ARHGAP18: variants seen among roughly 807,000 people sequenced by gnomAD.
The protein encoded by ARHGAP18 is rho GTPase-activating protein 18.
Under a neutral mutation model 86.2 loss-of-function variants are expected in ARHGAP18, and 67 were observed. That is an observed-to-expected ratio of 0.78 (90% CI 0.64 to 0.95). ARHGAP18 has a LOEUF of 0.95. Ranked by LOEUF, ARHGAP18 falls within the 40% of genes least tolerant of loss-of-function variation. The probability of loss-of-function intolerance (pLI) is 0.00; values close to 1 mark genes in which losing one functional copy is unlikely to be tolerated. For synonymous variants in ARHGAP18, 283 were observed against 280.4 expected (o/e 1.01, Z -0.09); for missense variants, 691 against 780.4 (o/e 0.89, Z 1.37).
rs747861313 is a variant in ARHGAP18, at chr6:129,578,474, A to G, written c.*39T>C. Reference sequence around the variant, plus strand: ...CACTCTTGACTCAGCAAGAATTATGACAGAAGTCCACATGGTTATCTGCAG... The same window carrying G: ...CACTCTTGACTCAGCAAGAATTATGGCAGAAGTCCACATGGTTATCTGCAG... On this transcript the variant is annotated 3_prime_UTR_variant, in exon 15 of 15. Coordinates refer to ENST00000368149, the MANE Select transcript of ARHGAP18 (RefSeq NM_033515.3). 1.3e-5 allele frequency: 19 copies of G among 1,514,710 alleles called. No individual in the cohort carries two copies. Among genetic ancestry groups the G allele is most frequent in the Admixed American group, 5.1e-5 (3 of 58,556 alleles). 93.8% of individuals were successfully genotyped at this position (1,514,710 alleles called of 1,614,324 possible).
chr6:129,626,465 A>C (rs1397461254), intron 5 of ARHGAP18, among the ~76,000 whole-genome samples: 1 of 152,032 alleles, frequency 6.6e-6, no homozygotes, highest in Non-Finnish European at 1.5e-5. Flanking sequence ...ATTGGACTAT[A>C]TAAGTATTTT....
intron 1 of ARHGAP18, among the ~76,000 whole-genome samples, chr6:129,673,066 C>A (rs1246839519): frequency 1.3e-5 from 2 of 152,158 alleles, no homozygotes; most frequent in Non-Finnish European, 2.9e-5. Flanking sequence ...TTGAATACAC[C>A]AATGACTCAT....
chr6:129,621,255 G>T (rs1789222708), intron 5 of ARHGAP18, among the ~76,000 whole-genome samples: 1 of 152,124 alleles, frequency 6.6e-6, no homozygotes, highest in Non-Finnish European at 1.5e-5. Flanking sequence ...ACAGCAACTC[G>T]TAAAACCTAT....
intron 7 of ARHGAP18, among the ~76,000 whole-genome samples, chr6:129,613,961 A>G (rs1175199471): frequency 2.0e-5 from 3 of 152,182 alleles, no homozygotes; most frequent in Non-Finnish European, 4.4e-5. Context: ...TCTTTGACAC[A>G]AAGTATGGCT....
At position 129,625,323 on chromosome 6, in the gene ARHGAP18, ATG is replaced by A. The variant is rs1562696934; in HGVS notation, c.786+4028_786+4029del. On this transcript the variant is annotated intron_variant, in intron 5 of 14. Transcript: ENST00000368149. ...TGATATATATTTATATGTAATATAT[ATG>A]ATATATGATATATATTTATATGTAA... is the stretch of plus-strand genomic sequence containing the variant. Among the ~76,000 whole-genome samples, 93 of 83,344 alleles carry A rather than the reference ATG, an allele frequency of 1.1e-3. 16 individuals are homozygous for A. The highest frequency in any genetic ancestry group is 4.9e-3 in the African/African-American group (91 of 18,578). The allele number at this position is 83,344 out of a possible 152,430, so 54.7% of individuals were successfully genotyped here. A position where few individuals can be genotyped will look rare whatever the true frequency, so the allele number is the denominator to read the frequency against.
At chr6:129,599,546 T>G (rs1788693798) in intron 11 of ARHGAP18, among the ~76,000 whole-genome samples, 190 bp from the exon 12 acceptor site, 1 of 152,166 alleles carries the variant, frequency 6.6e-6, no homozygotes, top group Non-Finnish European at 1.5e-5. Context: ...ACTTACCAGG[T>G]GTACAGGGCA....
At chr6:129,602,025 A>G (rs1340803751) in intron 10 of ARHGAP18, among the ~76,000 whole-genome samples, 9 of 152,080 alleles carry the variant, frequency 5.9e-5, no homozygotes. Context: ...CCTATTGCAG[A>G]CACTCATTGT....
At chr6:129,645,908 C>T (rs1381350299) in intron 1 of ARHGAP18, among the ~76,000 whole-genome samples, 6 of 152,104 alleles carry the variant, frequency 3.9e-5, no homozygotes, top group African/African-American at 1.4e-4. Context: ...TTGTATTTTC[C>T]CAAGGTATAT....
chr6:129,640,024 G>A lies in ARHGAP18; in HGVS notation c.317-1395C>T, dbSNP rs1432606617. ...TGTGCCACTGTACTCCAGCCTGGGCGACAGAGTGAGACTGTCTCAAAAAAA... is the reference window on the plus strand; with the variant it reads ...TGTGCCACTGTACTCCAGCCTGGGCAACAGAGTGAGACTGTCTCAAAAAAA... On this transcript the variant is annotated intron_variant, in intron 2 of 14. Transcript: ENST00000368149. Among the ~76,000 whole-genome samples the A allele has an allele frequency of 4.1e-5, 5 of 122,650 alleles. No homozygotes were observed. In the South Asian group the frequency reaches 1.1e-3, roughly 26 times the overall value. The allele number at this position is 122,650 out of a possible 152,430, so 80.5% of individuals were successfully genotyped here. A position where few individuals can be genotyped will look rare whatever the true frequency, so the allele number is the denominator to read the frequency against.
At chr6:129,705,589 AAGC>A (rs1774790862) in intron 1 of ARHGAP18, among the ~76,000 whole-genome samples, 1 of 152,230 alleles carries the variant, frequency 6.6e-6, no homozygotes, top group Non-Finnish European at 1.5e-5. Context: ...GTCATTTTTT[AAGC>A]ATATGGATAA....
intron 1 of ARHGAP18, among the ~76,000 whole-genome samples, chr6:129,706,621 T>TC (rs1371569238): frequency 6.6e-6 from 1 of 152,212 alleles, no homozygotes; most frequent in African/African-American, 2.4e-5. Context: ...GTGCAGTGGC[T>TC]CATGCCTGTA....
At chr6:129,613,171 T>C (rs1789017830) in intron 7 of ARHGAP18, among the ~76,000 whole-genome samples, 1 of 147,864 alleles carries the variant, frequency 6.8e-6, no homozygotes, top group Admixed American at 6.9e-5. Flanking sequence ...AGGCGGAGCT[T>C]GCAGTGAGCC....
At chr6:129,599,584 G>A (rs553214142) in intron 11 of ARHGAP18, among the ~76,000 whole-genome samples, 215 of 152,240 alleles carry the variant, frequency 1.4e-3, no homozygotes, top group African/African-American at 4.6e-3. Context: ...GCCACCCACT[G>A]TGGAAGGTTC....
intron 12 of ARHGAP18, among the ~76,000 whole-genome samples, chr6:129,592,389 G>A (rs1022593959): frequency 2.6e-5 from 4 of 152,174 alleles, no homozygotes; most frequent in Non-Finnish European, 4.4e-5. Flanking sequence ...TGCTGCCAAT[G>A]CCAGGATTCT....
At chr6:129,630,941 T>A (rs1773191278) in intron 4 of ARHGAP18, among the ~76,000 whole-genome samples, 1 of 152,218 alleles carries the variant, frequency 6.6e-6, no homozygotes, top group Non-Finnish European at 1.5e-5. Context: ...TTAAAGCCCG[T>A]TGATATTATT....
chr6:129,628,946 CATATAG>C (rs1773110313), intron 5 of ARHGAP18, among the ~76,000 whole-genome samples: 1 of 151,958 alleles, frequency 6.6e-6, no homozygotes, highest in South Asian at 2.1e-4. Context: ...TAAAAAAGTA[CATATAG>C]ATAGATATAG....
At chr6:129,654,402 A>C (rs1470872051) in intron 1 of ARHGAP18, among the ~76,000 whole-genome samples, 2 of 152,182 alleles carry the variant, frequency 1.3e-5, no homozygotes, top group African/African-American at 4.8e-5. Flanking sequence ...GTCCTAGCTT[A>C]ATTTCTGTCC....
intron 8 of ARHGAP18, 33 bp from the exon 9 acceptor site, chr6:129,608,085 A>C: frequency 6.6e-7 from 1 of 1,506,894 alleles, no homozygotes; most frequent in Non-Finnish European, 8.8e-7. Context: ...AAAAAAAAAA[A>C]AGAAGCAGCT....
At chr6:129,649,706 G>A (rs1444975156) in intron 1 of ARHGAP18, among the ~76,000 whole-genome samples, 1 of 150,752 alleles carries the variant, frequency 6.6e-6, no homozygotes, top group Admixed American at 6.6e-5. Flanking sequence ...AGAACAATAA[G>A]CAAATGACCT....
Sources: allele counts gnomAD v4.1 joint callset (sites outside exome capture counted in the v4.1 genomes callset), GRCh38; gene constraint gnomAD v4.1.1; transcripts MANE v1.5; gene names NCBI Gene and HGNC (gene_info 2026-07-23, HGNC 2026-07-21).